Variants in PLCE1 observed in about 807,000 individuals in gnomAD.
PLCE1 encodes the protein phospholipase C epsilon 1.
In PLCE1, 119 loss-of-function variants were observed where a neutral mutation model predicts 242.8. The observed-to-expected ratio is 0.49, with a 90% CI of 0.42 to 0.57. The LOEUF is 0.57. Ranked by LOEUF, PLCE1 falls within the 20% of genes least tolerant of loss-of-function variation. The probability of loss-of-function intolerance (pLI) is 0.00; values close to 1 mark genes in which losing one functional copy is unlikely to be tolerated. For missense variants in PLCE1, 2,441 were observed against 2,788.8 expected, an observed-to-expected ratio of 0.88 and a Z score of 2.81; for synonymous variants, 945 against 1,017.4, an observed-to-expected ratio of 0.93 and a Z score of 1.35.
chr10:94,242,102 G>A (rs969999358), intron 7 of PLCE1, among the ~76,000 whole-genome samples: 2 of 152,120 alleles, frequency 1.3e-5, no homozygotes, highest in African/African-American at 4.8e-5. Context: ...ACTGCAGCAG[G>A]CATGTATGAA....
intron 14 of PLCE1, among the ~76,000 whole-genome samples, chr10:94,263,166 G>A (rs1051795809): frequency 2.6e-5 from 4 of 151,914 alleles, no homozygotes; most frequent in African/African-American, 7.2e-5. Flanking sequence ...CACTGCGCCC[G>A]ACCTTGTTTT....
chr10:94,133,022 A>C (rs2046655334), intron 3 of PLCE1, among the ~76,000 whole-genome samples: 1 of 151,440 alleles, frequency 6.6e-6, no homozygotes, highest in Non-Finnish European at 1.5e-5. Context: ...GCTATCTTTA[A>C]TTTTTTTTTA....
intron 1 of PLCE1, among the ~76,000 whole-genome samples, chr10:94,010,701 A>G (rs2061152834): frequency 6.6e-6 from 1 of 152,200 alleles, no homozygotes; most frequent in South Asian, 2.1e-4. Context: ...CCAAGTCATC[A>G]TTCTTAAGTT....
At chr10:94,316,493 G>A (rs185270396) in intron 28 of PLCE1, 54 bp from the exon 29 acceptor site, 2 of 1,123,352 alleles carry the variant, frequency 1.8e-6, no homozygotes, top group East Asian at 2.3e-5. Context: ...CATGAAAGTT[G>A]ATTTGTTTTA....
intron 4 of PLCE1, among the ~76,000 whole-genome samples, chr10:94,194,043 T>C (rs910578555): frequency 6.6e-6 from 1 of 152,240 alleles, no homozygotes; most frequent in Admixed American, 6.5e-5. Context: ...TCACACTGTT[T>C]TAAAGTATAA....
chr10:94,058,149 GAGAC>G (rs1187763310), intron 2 of PLCE1, among the ~76,000 whole-genome samples: 1 of 152,176 alleles, frequency 6.6e-6, no homozygotes, highest in Non-Finnish European at 1.5e-5. Context: ...CAATGTCAAA[GAGAC>G]ATTTTTTTAA....
At chr10:94,066,607 C>T (rs955461815) in intron 2 of PLCE1, among the ~76,000 whole-genome samples, 4 of 152,072 alleles carry the variant, frequency 2.6e-5, no homozygotes, top group Admixed American at 2.6e-4. Flanking sequence ...ATTCCTTGGA[C>T]GCTCCCCCTC....
rs116459898 is a variant in PLCE1, at chr10:94,193,421, A to C, written c.1809+21925A>C. ...GGGAGATATTTTGGGGGATAGGATG[A>C]CATGTAGAAGTTTGTGGCAGAAGGG... On this transcript the variant is annotated intron_variant, in intron 4 of 32. Coordinates refer to ENST00000371380, the MANE Select transcript of PLCE1 (RefSeq NM_016341.4). 5.6e-3 allele frequency among the ~76,000 whole-genome samples: 858 copies of C among 152,326 alleles called. 14 individuals carry two copies. The highest frequency in any genetic ancestry group is 0.019 in the African/African-American group (802 of 41,560).
chr10:93,996,448 A>G (rs2060825161), intron 1 of PLCE1, among the ~76,000 whole-genome samples: 1 of 152,182 alleles, frequency 6.6e-6, no homozygotes, highest in South Asian at 2.1e-4. Context: ...GAGGGGTGGA[A>G]GGTTCTGATA....
intron 2 of PLCE1, among the ~76,000 whole-genome samples, chr10:94,044,096 C>T (rs1418923): frequency 0.4 from 60,942 of 152,022 alleles, 15,096 homozygotes; most frequent in African/African-American, 0.71. Flanking sequence ...CATCTACATG[C>T]AAAGAAAACA....
chr10:94,245,506 A>AC (rs2050645898), intron 7 of PLCE1, among the ~76,000 whole-genome samples: 1 of 137,474 alleles, frequency 7.3e-6, no homozygotes, highest in African/African-American at 2.6e-5. Context: ...AGTTACTCAA[A>AC]ATTTTTTTTT....
intron 2 of PLCE1, among the ~76,000 whole-genome samples, chr10:94,047,174 A>G (rs1424294756): frequency 6.6e-6 from 1 of 152,212 alleles, no homozygotes; most frequent in Non-Finnish European, 1.5e-5. Flanking sequence ...TATTACCTCC[A>G]GGTAAATAAA....
At position 94,284,849 on chromosome 10, in the gene PLCE1, T is replaced by C. The variant is rs1589475254; in HGVS notation, c.4919T>C (p.Val1640Ala). Reference sequence around the variant, plus strand: ...ATGGTATCATTTTTCCCTTACCAGGTTTATGATATGGAACTGGGAGAAGAA... The same window carrying C: ...ATGGTATCATTTTTCCCTTACCAGGCTTATGATATGGAACTGGGAGAAGAA... ...ADNSACNKGK[V>A]YDMELGEEFY... The change falls in exon 22 of 33, where the codon GTT becomes GCT. Residue 1640 changes from valine to alanine, a missense_variant and splice_region_variant. Around this residue, in one of 5 missense-constraint regions of PLCE1, gnomAD observed 1,004 missense variants for 1,322.7 expected, o/e 0.76. Coordinates refer to ENST00000371380, the MANE Select transcript of PLCE1 (RefSeq NM_016341.4). The C allele has an allele frequency of 6.5e-7, 1 of 1,536,766 alleles. No individual in the cohort carries two copies. The highest frequency in any genetic ancestry group is 9.0e-7 in the Non-Finnish European group (1 of 1,109,562).
At chr10:94,276,327 C>T (rs555405140) in intron 19 of PLCE1, among the ~76,000 whole-genome samples, 5 of 152,184 alleles carry the variant, frequency 3.3e-5, no homozygotes, top group Non-Finnish European at 5.9e-5. Context: ...CAAGGCCACC[C>T]AGCTCATAGC....
At chr10:94,200,002 C>T (rs1320360088) in intron 4 of PLCE1, among the ~76,000 whole-genome samples, 1 of 152,120 alleles carries the variant, frequency 6.6e-6, no homozygotes, top group Non-Finnish European at 1.5e-5. Flanking sequence ...ATGTTAGAAA[C>T]AAAAAGCTGT....
intron 30 of PLCE1, among the ~76,000 whole-genome samples, 158 bp downstream of exon 30, chr10:94,322,217 A>G (rs573264113): frequency 2.0e-5 from 3 of 152,214 alleles, no homozygotes; most frequent in South Asian, 2.1e-4. Flanking sequence ...ATTGCCTCAC[A>G]TGGTGGCTCA....
intron 2 of PLCE1, among the ~76,000 whole-genome samples, chr10:94,110,833 A>G (rs2045932555): frequency 5.3e-5 from 8 of 152,232 alleles, no homozygotes; most frequent in Admixed American, 5.2e-4. Flanking sequence ...TGCTGCAGAA[A>G]GTGCTTTTGA....
At chr10:94,096,190 A>G (rs1167548574) in intron 2 of PLCE1, among the ~76,000 whole-genome samples, 2 of 152,198 alleles carry the variant, frequency 1.3e-5, no homozygotes, top group African/African-American at 2.4e-5. Context: ...TTTAGAAAAT[A>G]TGGAGACTAG....
At chr10:94,240,795 C>T (rs931111916) in intron 7 of PLCE1, among the ~76,000 whole-genome samples, 1 of 152,112 alleles carries the variant, frequency 6.6e-6, no homozygotes, top group African/African-American at 2.4e-5. Context: ...AGGATAAAAA[C>T]CTTTCTTCTA....
Sources: allele counts gnomAD v4.1 joint callset (sites outside exome capture counted in the v4.1 genomes callset), GRCh38; gene constraint gnomAD v4.1.1; regional missense constraint gnomAD v4.1.1; transcripts MANE v1.5; gene names NCBI Gene and HGNC (gene_info 2026-07-23, HGNC 2026-07-21).